Variants in FANCI observed in about 807,000 individuals in gnomAD.
FANCI encodes FA complementation group I.
In FANCI, 156 loss-of-function variants were observed where a neutral mutation model predicts 176.1. The ratio of observed to expected loss-of-function variants is 0.89; its 90% confidence interval spans 0.78 to 1.01. The LOEUF (loss-of-function observed/expected upper bound fraction) is 1.01. Among genes scored for constraint, FANCI ranks in the 50% least tolerant of loss-of-function variants. The pLI, the probability that FANCI is intolerant of heterozygous loss-of-function variation, is 0.00. For synonymous variants in FANCI, 613 were observed against 541.7 expected (o/e 1.13, Z -1.83); for missense variants, 1,678 against 1,534.1 (o/e 1.09, Z -1.57).
chr15:89,283,206 A>G lies in FANCI; in HGVS notation c.1654A>G (p.Ser552Gly). 6.2e-7 allele frequency: 1 copy of G among 1,614,188 alleles called. No individual in the cohort carries two copies. The highest frequency in any genetic ancestry group is 1.3e-5 in the African/African-American group (1 of 75,062). ...LLLKNFKVLG[S>G]LSSSQCSQSL... ...CCTGAAGAACTTTAAAGTTTTAGGCAGCCTGTCATCCTCTCAGTGCAGTCA... is the reference window on the plus strand; with the variant it reads ...CCTGAAGAACTTTAAAGTTTTAGGCGGCCTGTCATCCTCTCAGTGCAGTCA... Residue 552 changes from serine (S) to glycine (G), a missense_variant, in exon 17 of 38, where the codon AGC (serine) becomes GGC (glycine). Ser to Gly is a moderately conservative substitution (Grantham distance 56, BLOSUM62 0). Coordinates refer to ENST00000310775, the MANE Select transcript of FANCI (RefSeq NM_001113378.2).
intron 32 of FANCI, 57 bp downstream of exon 32, chr15:89,306,251 A>ATG: frequency 6.4e-7 from 1 of 1,559,472 alleles, no homozygotes; most frequent in Non-Finnish European, 8.8e-7. Flanking sequence ...GAGCCAGGAG[A>ATG]TGAGGATGGG....
rs768234660 is a variant in FANCI, at chr15:89,293,890, C to A, written c.2349C>A (p.Asp783Glu). 1 of 1,614,124 alleles carries A rather than the reference C, an allele frequency of 6.2e-7. No individual in the cohort carries two copies. The highest frequency in any genetic ancestry group is 8.5e-7 in the Non-Finnish European group (1 of 1,179,984). Residue 783 changes from aspartate (D) to glutamate (E), a missense_variant, in exon 23 of 38, where the codon GAC (aspartate) becomes GAA (glutamate). By Grantham distance (45) the Asp-to-Glu change is conservative. Around this residue, in one of 3 missense-constraint regions of FANCI, gnomAD observed 1,204 missense variants for 1,077.4 expected, o/e 1.12. Coordinates refer to ENST00000310775, the MANE Select transcript of FANCI (RefSeq NM_001113378.2). ...TTATGTGTTACAAAAAACTCTCTGACATTCTTAATGAAAAAGCGGGTAAAG... is the reference window on the plus strand; with the variant it reads ...TTATGTGTTACAAAAAACTCTCTGAAATTCTTAATGAAAAAGCGGGTAAAG... The part of the protein sequence containing the change: ...SLFMCYKKLS[D>E]ILNEKAGKAK...
chr15:89,293,271 C>A (rs969835890), intron 22 of FANCI, among the ~76,000 whole-genome samples: 1 of 152,126 alleles, frequency 6.6e-6, no homozygotes, highest in African/African-American at 2.4e-5. Flanking sequence ...TGAAAGCCTT[C>A]CAGCAGGGTT....
At chr15:89,297,828 T>G (rs1567169035) in intron 24 of FANCI, among the ~76,000 whole-genome samples, 1 of 151,770 alleles carries the variant, frequency 6.6e-6, no homozygotes, top group African/African-American at 2.4e-5. Context: ...TTTTTTCATT[T>G]AAAGAGATGG....
chr15:89,247,587 T>C (rs1260793104), intron 1 of FANCI, 42 bp from the exon 2 acceptor site: 3 of 1,383,106 alleles, frequency 2.2e-6, no homozygotes, highest in Non-Finnish European at 3.1e-6. Flanking sequence ...AGTTTGTTTA[T>C]TTCTGGAATC....
intron 2 of FANCI, among the ~76,000 whole-genome samples, chr15:89,251,895 C>T (rs2052268083): frequency 6.6e-6 from 1 of 152,106 alleles, no homozygotes; most frequent in Non-Finnish European, 1.5e-5. Context: ...AGAGACATTT[C>T]CTCTAAGGCC....
chr15:89,297,739 T>G (rs1596313312), intron 24 of FANCI, among the ~76,000 whole-genome samples: 3 of 84,240 alleles, frequency 3.6e-5, no homozygotes, highest in Admixed American at 1.7e-4. Flanking sequence ...AGGGAGACCG[T>G]GGAAAGAGAG....
At chr15:89,250,150 T>A (rs920398348) in intron 2 of FANCI, among the ~76,000 whole-genome samples, 1 of 152,194 alleles carries the variant, frequency 6.6e-6, no homozygotes, top group Non-Finnish European at 1.5e-5. Flanking sequence ...TTCTCAGGGA[T>A]CTAGAACTAG....
At chr15:89,282,883 G>A (rs762411881) in intron 16 of FANCI, 10 of 472,962 alleles carry the variant, frequency 2.1e-5, no homozygotes, top group Non-Finnish European at 3.9e-5. Context: ...TCCTCACATA[G>A]ACTTGAGAGC....
chr15:89,265,820 C>T (rs932465814), intron 9 of FANCI, among the ~76,000 whole-genome samples: 2 of 152,124 alleles, frequency 1.3e-5, no homozygotes. Context: ...CCGTGCCTGG[C>T]CGGATTTTTT....
chr15:89,260,458 C>T (rs369238992), intron 3 of FANCI, among the ~76,000 whole-genome samples: 1 of 152,060 alleles, frequency 6.6e-6, no homozygotes, highest in African/African-American at 2.4e-5. Flanking sequence ...AGCTGTAAGA[C>T]CTATTAGAAG....
intron 17 of FANCI, among the ~76,000 whole-genome samples, chr15:89,284,649 C>T (rs987523951): frequency 1.3e-5 from 2 of 152,178 alleles, no homozygotes; most frequent in Admixed American, 1.3e-4. Context: ...ATGTAATTTA[C>T]ACAAAGGATG....
intron 2 of FANCI, 127 bp from the exon 3 acceptor site, chr15:89,258,577 T>A: frequency 2.6e-6 from 2 of 768,994 alleles, no homozygotes; most frequent in Non-Finnish European, 4.7e-6. Context: ...AAAATTATGG[T>A]GTTTGTAATA....
At chr15:89,313,134 A>G (rs908051708) in intron 35 of FANCI, among the ~76,000 whole-genome samples, 162 bp downstream of exon 35, 1 of 151,848 alleles carries the variant, frequency 6.6e-6, no homozygotes, top group Non-Finnish European at 1.5e-5. Context: ...GTGGTAGCGT[A>G]GAGCTAGGTG....
At chr15:89,296,028 C>T (rs531562348) in intron 24 of FANCI, among the ~76,000 whole-genome samples, 19 of 152,224 alleles carry the variant, frequency 1.2e-4, no homozygotes, top group African/African-American at 3.9e-4. Flanking sequence ...AGTGCAGTGG[C>T]GTGATCTTGG....
intron 23 of FANCI, 79 bp downstream of exon 23, chr15:89,294,076 G>A (rs933896570): frequency 3.1e-5 from 45 of 1,470,344 alleles, no homozygotes; most frequent in African/African-American, 8.3e-5. Context: ...GTTTCACCTC[G>A]TTTGGATTGT....
chr15:89,266,165 GTTTTT>G (rs34065435), intron 9 of FANCI, among the ~76,000 whole-genome samples: 1 of 109,766 alleles, frequency 9.1e-6, no homozygotes, highest in Admixed American at 9.8e-5. Context: ...CCTGGCTACT[GTTTTT>G]TTTTTTTTTT....
chr15:89,312,052 C>T (rs1164123325), intron 34 of FANCI, among the ~76,000 whole-genome samples: 1 of 152,148 alleles, frequency 6.6e-6, no homozygotes, highest in Non-Finnish European at 1.5e-5. Context: ...GTTCTGTGAC[C>T]CTTTTAACCC....
chr15:89,282,818 A>G lies in FANCI; in HGVS notation c.1584-318A>G, dbSNP rs541800430. The G allele has an allele frequency of 1.1e-4, 40 of 364,772 alleles. 1 individual carries two copies. The Admixed American group carries it at 1.3e-3, about 12-fold the overall frequency. The allele number at this position is 364,772 out of a possible 1,614,324, so 22.6% of individuals were successfully genotyped here. A position where few individuals can be genotyped will look rare whatever the true frequency, so the allele number is the denominator to read the frequency against. ...TCCTTCAAACATGGCAAAATCAGCA[A>G]TTTCTTACATTTGAGTAACCAGCCA... On this transcript the variant is annotated intron_variant, in intron 16 of 37. Transcript: ENST00000310775.
Sources: allele counts gnomAD v4.1 joint callset (sites outside exome capture counted in the v4.1 genomes callset), GRCh38; gene constraint gnomAD v4.1.1; regional missense constraint gnomAD v4.1.1; transcripts MANE v1.5; gene names NCBI Gene and HGNC (gene_info 2026-07-23, HGNC 2026-07-21).